The following CELF1 variants were observed in gnomAD, a reference collection of about 807,000 sequenced individuals.
CELF1 encodes the protein 50 kDa nuclear polyadenylated RNA-binding protein.
Under a neutral mutation model 61.8 loss-of-function variants are expected in CELF1, and 10 were observed. That is an observed-to-expected ratio of 0.16 (90% CI 0.10 to 0.27). CELF1 has a LOEUF of 0.27. CELF1 is among the 10% of genes least tolerant of loss of function. The pLI is 1.00. For missense variants in CELF1, 380 were observed against 639.1 expected (o/e 0.59, Z 4.37); for synonymous variants, 236 against 225.1 (o/e 1.05, Z -0.43).
intron 1 of CELF1, among the ~76,000 whole-genome samples, chr11:47,521,875 T>C (rs1008611261): frequency 6.6e-6 from 1 of 152,184 alleles, no homozygotes; most frequent in Admixed American, 6.5e-5. Flanking sequence ...AGAAACATAG[T>C]GTGTAGTTTC....
intron 10 of CELF1, among the ~76,000 whole-genome samples, chr11:47,478,325 T>C (rs1258656767): frequency 2.0e-5 from 3 of 152,232 alleles, no homozygotes; most frequent in Non-Finnish European, 4.4e-5. Context: ...TCCCATGCCC[T>C]ACCCCCAACC....
chr11:47,489,955 T>TTTTTTTTTTTTTTTTTTTTTTTTTAG (rs71042675), intron 3 of CELF1, among the ~76,000 whole-genome samples: 1 of 141,372 alleles, frequency 7.1e-6, no homozygotes, highest in Non-Finnish European at 1.5e-5. Context: ...TTTTTTTTTT[T>TTTTTTTTTTTTTTTTTTTTTTTTTAG]GAGACGGAAT....
At chr11:47,504,261 G>A (rs549640538) in intron 1 of CELF1, among the ~76,000 whole-genome samples, 83 of 151,962 alleles carry the variant, frequency 5.5e-4, no homozygotes, top group African/African-American at 2.0e-3. Context: ...GTGGGGGAGG[G>A]GGGTTAAAGA....
rs185189770 is a variant in CELF1, at chr11:47,492,565, C to T, written c.72-3541G>A. 2.8e-4 allele frequency among the ~76,000 whole-genome samples: 42 copies of T among 152,184 alleles called. 1 individual carries two copies. Among genetic ancestry groups the T allele is most frequent in the Admixed American group, 2.7e-3 (42 of 15,298 alleles). On this transcript the variant is annotated intron_variant, in intron 3 of 14. Transcript: ENST00000687097. Reference sequence around the variant, plus strand: ...GCCAACATGGTAAACTCCGTCTCTACCAAAAAATACAAAGCAATTAGCTGG... The same window carrying T: ...GCCAACATGGTAAACTCCGTCTCTATCAAAAAATACAAAGCAATTAGCTGG...
chr11:47,508,681 C>CACACACACACACAAATACTCAA (rs2094758935), intron 1 of CELF1, among the ~76,000 whole-genome samples: 1 of 150,150 alleles, frequency 6.7e-6, no homozygotes, highest in African/African-American at 2.5e-5. Context: ...CTCAAACACA[C>CACACACACACACAAATACTCAA]ACACACACAC....
chr11:47,477,196 G>A (rs2080641030), intron 11 of CELF1, 101 bp downstream of exon 11: 2 of 1,333,744 alleles, frequency 1.5e-6, no homozygotes, highest in East Asian at 2.3e-5. Flanking sequence ...TGACCTCTCT[G>A]GAAACAGGTG....
At position 47,468,203 on chromosome 11, in the gene CELF1, G is replaced by A. The variant is rs1260528877; in HGVS notation, c.*4027C>T. 5 of 152,216 alleles carry A rather than the reference G, an allele frequency of 3.3e-5. No individual in the cohort carries two copies. Among genetic ancestry groups the A allele is most frequent in the Non-Finnish European group, 7.3e-5 (5 of 68,110 alleles). 9.4% of individuals were successfully genotyped at this position (152,216 alleles called of 1,614,324 possible). On this transcript the variant is annotated 3_prime_UTR_variant, in exon 15 of 15. Coordinates refer to ENST00000687097, the MANE Select transcript of CELF1 (RefSeq NM_001376376.1). ...CAGGACTCCCCAGAGTCGCTCCAGG[G>A]AAGAACCACAAAAGAAAAAGAAAAA...
intron 1 of CELF1, among the ~76,000 whole-genome samples, chr11:47,538,857 A>T (rs1455594818): frequency 6.6e-6 from 1 of 152,204 alleles, no homozygotes; most frequent in African/African-American, 2.4e-5. Context: ...TTTCTCAAAG[A>T]GAAAAACACC....
chr11:47,528,047 G>A (rs1425865521), intron 1 of CELF1, among the ~76,000 whole-genome samples: 2 of 152,252 alleles, frequency 1.3e-5, no homozygotes, highest in Non-Finnish European at 2.9e-5. Context: ...AGTGAGCCAG[G>A]ATCACACCAT....
intron 1 of CELF1, among the ~76,000 whole-genome samples, chr11:47,511,342 C>T (rs1041219610): frequency 1.0e-4 from 1 of 9,576 alleles, no homozygotes; most frequent in Non-Finnish European, 2.6e-4. Context: ...TCTCTCTTGG[C>T]CCTCAGGATA....
At chr11:47,560,451 T>C (rs1327883842) in intron 2 of CELF1, among the ~76,000 whole-genome samples, 1 of 152,198 alleles carries the variant, frequency 6.6e-6, no homozygotes, top group Non-Finnish European at 1.5e-5. Flanking sequence ...ATGGTTATAA[T>C]GATCTTTATC....
rs1482779173 is a variant in CELF1, at chr11:47,504,324, G to C, written c.-153-3392C>G. ...TTTCTGGCTGGGCACAGTGGGAAACGCCTGTAATCCCAGCACTTTGGGAGG... is the reference window on the plus strand; with the variant it reads ...TTTCTGGCTGGGCACAGTGGGAAACCCCTGTAATCCCAGCACTTTGGGAGG... On this transcript the variant is annotated intron_variant, in intron 1 of 14. Coordinates refer to ENST00000687097, the MANE Select transcript of CELF1 (RefSeq NM_001376376.1). Among the ~76,000 whole-genome samples, 191 of 152,216 alleles carry C rather than the reference G, an allele frequency of 1.3e-3. 3 individuals carry two copies. The highest frequency in any genetic ancestry group is 1.3e-4 in the Non-Finnish European group (9 of 68,014).
At chr11:47,532,241 G>A (rs1431988195) in intron 1 of CELF1, among the ~76,000 whole-genome samples, 1 of 152,158 alleles carries the variant, frequency 6.6e-6, no homozygotes, top group Non-Finnish European at 1.5e-5. Context: ...TGTTGGCCAG[G>A]CTGGTGTCAA....
At chr11:47,533,679 G>C (rs1035942389) in intron 1 of CELF1, among the ~76,000 whole-genome samples, 1 of 147,518 alleles carries the variant, frequency 6.8e-6, no homozygotes, top group African/African-American at 2.5e-5. Context: ...GCATGGTGGC[G>C]GGCACTTGCA....
chr11:47,477,539 T>C, intron 10 of CELF1, 114 bp from the exon 11 acceptor site: 1 of 1,071,498 alleles, frequency 9.3e-7, no homozygotes, highest in Non-Finnish European at 1.4e-6. Context: ...GGAACTGTTC[T>C]AGATAAGCCT....
At chr11:47,545,531 G>A (rs924085970) in intron 1 of CELF1, among the ~76,000 whole-genome samples, 3 of 152,092 alleles carry the variant, frequency 2.0e-5, no homozygotes, top group South Asian at 2.1e-4. Context: ...TTATTAAGAG[G>A]TTAATAAGGA....
chr11:47,564,021 A>G (rs565126345), intron 2 of CELF1, among the ~76,000 whole-genome samples: 3 of 146,148 alleles, frequency 2.1e-5, no homozygotes, highest in South Asian at 4.4e-4. Context: ...CAAACAAACA[A>G]ACAAAATCTC....
At chr11:47,502,633 C>T (rs1439401025) in intron 1 of CELF1, among the ~76,000 whole-genome samples, 2 of 151,988 alleles carry the variant, frequency 1.3e-5, no homozygotes, top group Admixed American at 1.3e-4. Context: ...GAGATCGAGA[C>T]CATCCTGGCT....
rs1208856889 is a variant in CELF1, at chr11:47,537,265, T to TGG, written c.-154+15725_-154+15726dup. ...TACAAATTTTTTTTTTTTTTTTTTT[T>TGG]GGGACAGAGTCTCACTCTGTCGCCC... On this transcript the variant is annotated intron_variant, in intron 1 of 14. Coordinates refer to ENST00000687097, the MANE Select transcript of CELF1 (RefSeq NM_001376376.1). Among the ~76,000 whole-genome samples the TGG allele has an allele frequency of 1.6e-4, 24 of 145,792 alleles. No individual in the cohort carries two copies. In the South Asian group the frequency reaches 3.6e-3, roughly 22 times the overall value.
Sources: gnomAD v4.1 joint callset for allele counts (sites outside exome capture counted in the v4.1 genomes callset) on GRCh38, gnomAD v4.1.1 for gene constraint, MANE v1.5 for transcripts, NCBI Gene and HGNC (gene_info 2026-07-23, HGNC 2026-07-21) for gene names.